Variants in AKAP7 observed in about 807,000 individuals in gnomAD.
AKAP7 encodes the protein A kinase (PRKA) anchor protein 7.
Under a neutral mutation model 39.5 loss-of-function variants are expected in AKAP7, and 39 were observed. That is an observed-to-expected ratio of 0.99 (90% CI 0.76 to 1.29). The LOEUF (loss-of-function observed/expected upper bound fraction) is 1.29. Among genes scored for constraint, AKAP7 ranks in the 50% most tolerant of loss-of-function variants. The pLI, the probability that AKAP7 is intolerant of heterozygous loss-of-function variation, is 0.00. For missense variants in AKAP7, 414 were observed against 407.7 expected (o/e 1.02, Z -0.13); for synonymous variants, 140 against 139.1 (o/e 1.01, Z -0.05).
intron 1 of AKAP7, among the ~76,000 whole-genome samples, chr6:131,136,021 G>A (rs1006029915): frequency 6.6e-6 from 1 of 152,168 alleles, no homozygotes; most frequent in African/African-American, 2.4e-5. Flanking sequence ...GGAGGCGGGG[G>A]TATGAGCCCA....
intron 7 of AKAP7, among the ~76,000 whole-genome samples, chr6:131,240,888 A>ACGCTCAGTGCCCTG (rs1244056830): frequency 1.3e-5 from 2 of 151,948 alleles, no homozygotes; most frequent in Non-Finnish European, 2.9e-5. Flanking sequence ...GCTTCAGCTC[A>ACGCTCAGTGCCCTG]CGCTCAGTGC....
Position 131,150,908 on chromosome 6 carries a change from A to G in AKAP7, c.151+5492A>G, listed in dbSNP as rs542393156. The stretch of plus-strand genomic sequence containing the variant: ...ACATTTTCATTAATTTAGTTTCACC[A>G]GGTTTTTTCTTACATATATTTGCTA... On this transcript the variant is annotated intron_variant, in intron 2 of 7. Coordinates refer to ENST00000431975, the MANE Select transcript of AKAP7 (RefSeq NM_016377.4). 3.9e-5 allele frequency among the ~76,000 whole-genome samples: 6 copies of G among 152,318 alleles called. No homozygotes were observed. In the East Asian group the frequency reaches 7.7e-4, roughly 20 times the overall value.
At chr6:131,149,369 T>C (rs1801729859) in intron 2 of AKAP7, among the ~76,000 whole-genome samples, 1 of 152,256 alleles carries the variant, frequency 6.6e-6, no homozygotes, top group Non-Finnish European at 1.5e-5. Flanking sequence ...GTGCCATGGC[T>C]CACACCTGTA....
chr6:131,273,931 T>C (rs1489282701), intron 7 of AKAP7, among the ~76,000 whole-genome samples: 1 of 151,474 alleles, frequency 6.6e-6, no homozygotes, highest in East Asian at 2.0e-4. Context: ...GAATTCTGTG[T>C]TGCCTTTTCT....
At position 131,145,267 on chromosome 6, in the gene AKAP7, G is replaced by A; in HGVS notation, c.20-18G>A. Reference sequence around the variant, plus strand: ...CAAGTTAAATAATCCTTTTTTTTCTGTTTGTGATATGTTAAAGGAGGAATT... The same window carrying A: ...CAAGTTAAATAATCCTTTTTTTTCTATTTGTGATATGTTAAAGGAGGAATT... On this transcript the variant is annotated intron_variant, in intron 1 of 7. Transcript: ENST00000431975. 1 of 1,382,212 alleles carries A rather than the reference G, an allele frequency of 7.2e-7. No individual in the cohort carries two copies. The highest frequency in any genetic ancestry group is 9.6e-7 in the Non-Finnish European group (1 of 1,041,608). 85.6% of individuals were successfully genotyped at this position (1,382,212 alleles called of 1,614,324 possible).
intron 2 of AKAP7, among the ~76,000 whole-genome samples, chr6:131,159,455 A>G (rs966008259): frequency 6.6e-6 from 1 of 152,268 alleles, no homozygotes; most frequent in Non-Finnish European, 1.5e-5. Context: ...GTAAAATACA[A>G]TAAAAATGAA....
intron 2 of AKAP7, among the ~76,000 whole-genome samples, chr6:131,159,300 A>G (rs1013823827): frequency 7.2e-5 from 11 of 152,008 alleles, no homozygotes; most frequent in South Asian, 4.2e-4. Context: ...TCACCGTGTT[A>G]GCCAGGATGG....
intron 7 of AKAP7, among the ~76,000 whole-genome samples, chr6:131,280,720 G>C (rs1449523651): frequency 2.6e-5 from 4 of 152,184 alleles, no homozygotes; most frequent in Non-Finnish European, 5.9e-5. Flanking sequence ...TGGGGAAGGA[G>C]CCCCTTAGTT....
intron 5 of AKAP7, among the ~76,000 whole-genome samples, chr6:131,177,968 A>C (rs1281384068): frequency 1.3e-5 from 2 of 152,162 alleles, no homozygotes; most frequent in African/African-American, 4.8e-5. Context: ...GGTATCATCC[A>C]CATTCTCTTA....
intron 5 of AKAP7, among the ~76,000 whole-genome samples, chr6:131,178,681 A>G (rs1484097054): frequency 6.6e-6 from 1 of 152,162 alleles, no homozygotes; most frequent in East Asian, 1.9e-4. Flanking sequence ...TTCTTAAAGT[A>G]GACAAGGCCT....
chr6:131,178,951 A>G (rs558401893), intron 5 of AKAP7, among the ~76,000 whole-genome samples: 1 of 152,196 alleles, frequency 6.6e-6, no homozygotes, highest in East Asian at 1.9e-4. Context: ...CAGGTACTGG[A>G]CTCAACAGAG....
chr6:131,136,913 T>G, intron 1 of AKAP7: 1 of 972,792 alleles, frequency 1.0e-6, no homozygotes, highest in African/African-American at 1.8e-5. Context: ...TTTCCAGTTG[T>G]TCTTAGGAAT....
At chr6:131,246,113 A>G (rs900951513) in intron 7 of AKAP7, among the ~76,000 whole-genome samples, 1 of 150,204 alleles carries the variant, frequency 6.7e-6, no homozygotes, top group African/African-American at 2.4e-5. Context: ...ATATATATAT[A>G]TATATGTTCA....
chr6:131,133,017 C>T (rs1036662895), upstream of AKAP7, among the ~76,000 whole-genome samples: 2 of 152,180 alleles, frequency 1.3e-5, no homozygotes, highest in African/African-American at 4.8e-5. Flanking sequence ...TATTGATGAT[C>T]TTTGCATCAA....
chr6:131,205,364 C>T (rs1807992275), intron 6 of AKAP7, among the ~76,000 whole-genome samples: 1 of 151,670 alleles, frequency 6.6e-6, no homozygotes, highest in African/African-American at 2.4e-5. Context: ...AGGGGATGAG[C>T]ATTCACCCCC....
At chr6:131,167,192 C>T (rs1168432588) in intron 4 of AKAP7, among the ~76,000 whole-genome samples, 1 of 152,020 alleles carries the variant, frequency 6.6e-6, no homozygotes, top group Admixed American at 6.6e-5. Flanking sequence ...TTTCATAAGC[C>T]CCTCTTAAAA....
chr6:131,182,917 G>A (rs180850277), intron 5 of AKAP7, among the ~76,000 whole-genome samples: 1 of 151,658 alleles, frequency 6.6e-6, no homozygotes, highest in African/African-American at 2.4e-5. Context: ...ATTAAAACTA[G>A]CAAAATAACC....
chr6:131,182,682 ATATGG>A (rs1805386208), intron 5 of AKAP7, among the ~76,000 whole-genome samples: 1 of 152,200 alleles, frequency 6.6e-6, no homozygotes, highest in Admixed American at 6.5e-5. Context: ...TTGCTAAATC[ATATGG>A]TAGTTTAATT....
chr6:131,151,646 T>C (rs1449472572), intron 2 of AKAP7, among the ~76,000 whole-genome samples: 3 of 152,092 alleles, frequency 2.0e-5, no homozygotes, highest in Non-Finnish European at 4.4e-5. Context: ...CTCAGGAGGC[T>C]GAGGCAGGAG....
Sources: gnomAD v4.1 joint callset for allele counts (sites outside exome capture counted in the v4.1 genomes callset) on GRCh38, gnomAD v4.1.1 for gene constraint, MANE v1.5 for transcripts, NCBI Gene and HGNC (gene_info 2026-07-23, HGNC 2026-07-21) for gene names.